The following LIX1L variants were observed in gnomAD, a reference collection of about 807,000 sequenced individuals.
LIX1L encodes limb and CNS expressed 1 like.
A neutral mutation model predicts 34.0 loss-of-function variants in LIX1L; 20 were observed. The observed-to-expected ratio is 0.59, with a 90% CI of 0.41 to 0.85. The LOEUF is 0.85. LIX1L is among the 40% of genes least tolerant of loss of function. The probability of loss-of-function intolerance (pLI) is 0.00; values close to 1 mark genes in which losing one functional copy is unlikely to be tolerated. For synonymous variants in LIX1L, 170 were observed against 187.4 expected, an observed-to-expected ratio of 0.91 and a Z score of 0.76; for missense variants, 397 against 447.0, an observed-to-expected ratio of 0.89 and a Z score of 1.01.
chr1:145,934,819 G>A lies in LIX1L; in HGVS notation c.*1491C>T, dbSNP rs1648571324. 1.3e-5 allele frequency: 2 copies of A among 151,844 alleles called. No individual in the cohort carries two copies. The highest frequency in any genetic ancestry group is 2.9e-5 in the Non-Finnish European group (2 of 68,258). 9.4% of individuals were successfully genotyped at this position (151,844 alleles called of 1,614,324 possible). A position where few individuals can be genotyped will look rare whatever the true frequency, so the allele number is the denominator to read the frequency against. On this transcript the variant is annotated 3_prime_UTR_variant, in exon 6 of 6. Transcript: ENST00000604000. Reference sequence around the variant, plus strand: ...GATCGCGCCACTGCACTCTAGCCTGGGCGACAGAGCAAGACTCCGTCTCAA... The same window carrying A: ...GATCGCGCCACTGCACTCTAGCCTGAGCGACAGAGCAAGACTCCGTCTCAA...
At position 145,948,469 on chromosome 1, in the gene LIX1L, C is replaced by G. The variant is rs1206276895; in HGVS notation, c.293-687G>C. Among the ~76,000 whole-genome samples the G allele has an allele frequency of 1.3e-5, 2 of 152,144 alleles. No individual in the cohort carries two copies. The highest frequency in any genetic ancestry group is 1.5e-5 in the Non-Finnish European group (1 of 68,032). On this transcript the variant is annotated intron_variant, in intron 1 of 5. Transcript: ENST00000604000. The surrounding 1 kb of genome is among the most constrained non-coding windows in gnomAD (Gnocchi z 4.0). ...CTCAAGGAAATATAGCCCTAATAAC[C>G]ATTCTCGAGCCTGTGCTTCTAGTGA...
chr1:145,944,922 G>A (rs1291697489), intron 2 of LIX1L, among the ~76,000 whole-genome samples: 1 of 152,094 alleles, frequency 6.6e-6, no homozygotes, highest in Non-Finnish European at 1.5e-5. Context: ...CAGCTATTCA[G>A]GAGGCTGAGG....
chr1:145,945,710 T>C (rs1172272429), intron 2 of LIX1L, among the ~76,000 whole-genome samples: 30 of 146,786 alleles, frequency 2.0e-4, no homozygotes, highest in Non-Finnish European at 3.8e-4. Context: ...GATCGGGCTG[T>C]TGCACTCCAG....
At chr1:145,954,375 C>T (rs587712862) in intron 1 of LIX1L, among the ~76,000 whole-genome samples, 2 of 152,246 alleles carry the variant, frequency 1.3e-5, no homozygotes, top group East Asian at 3.9e-4. Flanking sequence ...GGAACTAATC[C>T]AGCATTTCCA....
At chr1:145,945,049 A>C (rs1297108504) in intron 2 of LIX1L, among the ~76,000 whole-genome samples, 1 of 150,692 alleles carries the variant, frequency 6.6e-6, no homozygotes, top group African/African-American at 2.4e-5. Context: ...AAAAAAAAAA[A>C]GCTGGGTGAA....
At chr1:145,946,379 A>G (rs1183353880) in intron 2 of LIX1L, among the ~76,000 whole-genome samples, 1 of 151,672 alleles carries the variant, frequency 6.6e-6, no homozygotes, top group African/African-American at 2.4e-5. Context: ...TTGTATTTTT[A>G]GTAGAGACGG....
Position 145,936,455 on chromosome 1 carries a change from G to GC in LIX1L, c.868dup (p.Ala290GlyfsTer4). 6.2e-7 allele frequency: 1 copy of GC among 1,614,110 alleles called. No individual in the cohort carries two copies. ...AGTAGAGGCCAGCTCTCTAGACAGT[G>GC]CCCCCGGCACACTCTGCTCCCGGCT... is the stretch of plus-strand genomic sequence containing the variant. On this transcript the variant is annotated frameshift_variant, in exon 6 of 6. Coordinates refer to ENST00000604000, the MANE Select transcript of LIX1L (RefSeq NM_153713.3). LOFTEE classifies it high-confidence loss of function.
chr1:145,949,441 G>A (rs1473032114), intron 1 of LIX1L, among the ~76,000 whole-genome samples: 1 of 152,176 alleles, frequency 6.6e-6, no homozygotes, highest in African/African-American at 2.4e-5. Context: ...ATGACGGCAG[G>A]GAACATGATG....
At chr1:145,950,269 A>G (rs970014357) in intron 1 of LIX1L, 1 of 152,368 alleles carries the variant, frequency 6.6e-6, no homozygotes, top group Non-Finnish European at 1.5e-5. Flanking sequence ...GACAACAGGG[A>G]GAGCCTTCTG....
intron 1 of LIX1L, among the ~76,000 whole-genome samples, chr1:145,955,829 T>A (rs1553760301): frequency 1.3e-5 from 2 of 152,240 alleles, no homozygotes; most frequent in African/African-American, 4.8e-5. Context: ...CCTTTGTCAG[T>A]ACAATCCCCT....
intron 1 of LIX1L, among the ~76,000 whole-genome samples, chr1:145,951,131 C>A (rs984407374): frequency 2.6e-5 from 4 of 152,202 alleles, no homozygotes. Context: ...ACTGCAACCT[C>A]TACCTCCCAG....
rs587643086 is a variant in LIX1L, at chr1:145,942,806, C to T, written c.504G>A (p.Ala168=). The T allele has an allele frequency of 5.8e-5, 93 of 1,614,030 alleles. 2 individuals carry two copies. The South Asian group carries it at 7.5e-4, about 13-fold the overall frequency. Reference sequence around the variant, plus strand: ...GTTCATTAAACACAGAATTCATTAGCGCAATCTTTGCAGCACTCCTCCGGG... The same window carrying T: ...GTTCATTAAACACAGAATTCATTAGTGCAATCTTTGCAGCACTCCTCCGGG... ...AEARRSAAKI[A]LMNSVFNEHP... is the part of the protein sequence containing the mutation. The change falls in exon 3 of 6, where the codon GCG becomes GCA. Residue 168 remains alanine (A), a synonymous_variant. Coordinates refer to ENST00000604000, the MANE Select transcript of LIX1L (RefSeq NM_153713.3).
intron 3 of LIX1L, among the ~76,000 whole-genome samples, chr1:145,941,690 C>A (rs1019730536): frequency 6.6e-6 from 1 of 152,120 alleles, no homozygotes; most frequent in South Asian, 2.1e-4. Context: ...CTAATCTTGG[C>A]GTGACCAATT....
At chr1:145,947,534 G>C in intron 2 of LIX1L, 85 bp downstream of exon 2, 1 of 1,401,200 alleles carries the variant, frequency 7.1e-7, no homozygotes, top group Non-Finnish European at 9.9e-7. Flanking sequence ...TATGATTTCA[G>C]GCAGTTTAAT....
In LIX1L at chr1:145,947,648, G is replaced by C. The variant is rs782225007; in HGVS notation, c.427C>G (p.Pro143Ala). Residue 143 changes from proline to alanine, a missense_variant, in exon 2 of 6, where the codon CCT (proline) becomes GCT (alanine). Coordinates refer to ENST00000604000, the MANE Select transcript of LIX1L (RefSeq NM_153713.3). The stretch of plus-strand genomic sequence containing the variant: ...AAACTCCCAAAGCAGCTTCCCCCAG[G>C]CAGGGTGACATAGCAGACATAAGGA... ...SPPYVCYVTLPGGSCFGSFQF... is the reference protein window; with the variant it reads ...SPPYVCYVTLAGGSCFGSFQF... The C allele has an allele frequency of 6.2e-7, 1 of 1,614,038 alleles. No individual in the cohort carries two copies. Among genetic ancestry groups the C allele is most frequent in the South Asian group, 1.1e-5 (1 of 91,070 alleles).
intron 1 of LIX1L, among the ~76,000 whole-genome samples, chr1:145,956,598 C>T (rs1479533153): frequency 1.3e-5 from 2 of 152,140 alleles, no homozygotes; most frequent in Non-Finnish European, 2.9e-5. Context: ...AGCCCTGTAA[C>T]TTTTCTCTGT....
intron 1 of LIX1L, among the ~76,000 whole-genome samples, chr1:145,956,121 CTTGGGATTACA>C (rs1387352382): frequency 6.6e-6 from 1 of 152,154 alleles, no homozygotes; most frequent in Non-Finnish European, 1.5e-5. Context: ...CTTGTTAAAT[CTTGGGATTACA>C]TTGGAAAAAT....
Position 145,936,357 on chromosome 1 carries a change from C to G in LIX1L, c.967G>C (p.Val323Leu), listed in dbSNP as rs1648642637. 6.2e-7 allele frequency: 1 copy of G among 1,614,030 alleles called. No individual in the cohort carries two copies. Among genetic ancestry groups the G allele is most frequent in the Admixed American group, 1.7e-5 (1 of 59,980 alleles). ...TTGCCCAACTGCCCAGCAGCCAGCA[C>G]AAGAATATCTTTCTTCTCCTTGTGG... ...RFHKEKKDIL[V>L]LAAGQLGNMH... Residue 323 changes from valine to leucine, a missense_variant, in exon 6 of 6, where the codon GTG becomes CTG. Around this residue, in one of 3 missense-constraint regions of LIX1L, gnomAD observed 174 missense variants for 204.0 expected, o/e 0.85. Transcript: ENST00000604000.
intron 1 of LIX1L, among the ~76,000 whole-genome samples, chr1:145,956,666 C>G (rs587630173): frequency 6.6e-6 from 1 of 152,220 alleles, no homozygotes; most frequent in Non-Finnish European, 1.5e-5. Flanking sequence ...CAGGACCTGG[C>G]CAAGCAGACA....
Sources: gnomAD v4.1 joint callset for allele counts (sites outside exome capture counted in the v4.1 genomes callset) on GRCh38, gnomAD v4.1.1 for gene constraint, gnomAD v4.1.1 regional missense constraint, Gnocchi (gnomAD v3.1) non-coding constraint, MANE v1.5 for transcripts, NCBI Gene and HGNC (gene_info 2026-07-23, HGNC 2026-07-21) for gene names.